The following MROH1 variants were observed in gnomAD, a reference collection of about 807,000 sequenced individuals.
MROH1 encodes the protein maestro heat like repeat family member 1.
MROH1 carries 117 observed loss-of-function variants against 116.5 expected under a neutral mutation model. The observed-to-expected ratio is 1.00, with a 90% confidence interval of 0.86 to 1.17. MROH1 has a LOEUF of 1.17. Ranked by LOEUF, MROH1 falls within the 50% of genes most tolerant of loss-of-function variation. The pLI, the probability that MROH1 is intolerant of heterozygous loss-of-function variation, is 0.00. For synonymous variants in MROH1, 921 were observed against 583.9 expected (o/e 1.58, Z -8.32); for missense variants, 1,873 against 1,338.5 (o/e 1.40, Z -6.23).
intron 14 of MROH1, among the ~76,000 whole-genome samples, chr8:144,232,918 G>A (rs570816950): frequency 9.2e-5 from 14 of 151,578 alleles, no homozygotes; most frequent in Admixed American, 5.3e-4. Context: ...CCTCAACCTC[G>A]CAGGCTCAAG....
At position 144,163,874 on chromosome 8, in the gene MROH1, C is replaced by T; in HGVS notation, c.22+26C>T. ...GTGAGTGCATGGGGATTGGGAGTGG[C>T]CGGGTGTGAGGCCTCTCTTGCCTCT... On this transcript the variant is annotated intron_variant, in intron 3 of 43. Transcript: ENST00000326134. This position sits in a 1 kb window ranked among gnomAD's most constrained non-coding sequence, Gnocchi z 4.4. The T allele has an allele frequency of 6.2e-7, 1 of 1,612,622 alleles. No individual in the cohort carries two copies. Among genetic ancestry groups the T allele is most frequent in the Non-Finnish European group, 8.5e-7 (1 of 1,179,150 alleles).
chr8:144,219,561 T>C lies in MROH1; in HGVS notation c.1142-1039T>C, dbSNP rs368159725. Among the ~76,000 whole-genome samples the C allele has an allele frequency of 1.5e-4, 23 of 152,318 alleles. No individual in the cohort carries two copies. In the East Asian group the frequency reaches 3.5e-3, roughly 23 times the overall value. ...CAGTGTGGTATGTCTCATGGTTAGATCTGGAACCTGTCTTTTCTGAGCTTC... is the reference window on the plus strand; with the variant it reads ...CAGTGTGGTATGTCTCATGGTTAGACCTGGAACCTGTCTTTTCTGAGCTTC... On this transcript the variant is annotated intron_variant, in intron 12 of 43. Transcript: ENST00000326134.
intron 12 of MROH1, among the ~76,000 whole-genome samples, chr8:144,210,403 A>C (rs556507852): frequency 6.7e-6 from 1 of 150,106 alleles, no homozygotes; most frequent in South Asian, 2.1e-4. Context: ...ACGCCACTGC[A>C]TAAACAGGCC....
intron 3 of MROH1, among the ~76,000 whole-genome samples, chr8:144,167,205 A>G (rs902398973): frequency 3.5e-3 from 280 of 80,254 alleles, no homozygotes; most frequent in Middle Eastern, 8.9e-3. Context: ...TGGAGTGGCC[A>G]GATGTGGGGT....
At chr8:144,235,888 G>A (rs1252721643) in intron 14 of MROH1, among the ~76,000 whole-genome samples, 3 of 152,144 alleles carry the variant, frequency 2.0e-5, no homozygotes, top group Non-Finnish European at 4.4e-5. Flanking sequence ...TTGAGACATC[G>A]TGTCCCTTTA....
At chr8:144,208,664 T>C (rs554388569) in intron 12 of MROH1, among the ~76,000 whole-genome samples, 1 of 152,250 alleles carries the variant, frequency 6.6e-6, no homozygotes, top group Admixed American at 6.5e-5. Flanking sequence ...TATAGCATCA[T>C]ATGTTAGTGG....
intron 13 of MROH1, among the ~76,000 whole-genome samples, chr8:144,221,259 G>A (rs1012576031): frequency 1.3e-5 from 2 of 152,170 alleles, no homozygotes; most frequent in Admixed American, 6.5e-5. Context: ...CACGTGGCCC[G>A]TAGCCTCCAC....
intron 4 of MROH1, among the ~76,000 whole-genome samples, chr8:144,171,570 A>T (rs1287046430): frequency 6.6e-6 from 1 of 151,974 alleles, no homozygotes; most frequent in East Asian, 1.9e-4. Flanking sequence ...CCACCATTTC[A>T]CCTCAGTGTG....
At position 144,190,839 on chromosome 8, in the gene MROH1, C is replaced by G. The variant is rs367606242; in HGVS notation, c.618C>G (p.Ala206=). The G allele has an allele frequency of 1.9e-6, 3 of 1,613,700 alleles. No individual in the cohort carries two copies. The Admixed American group carries it at 5.0e-5, about 27-fold the overall frequency. The change falls in exon 8 of 44, where the codon GCC becomes GCG. Residue 206 remains alanine, a synonymous_variant. Coordinates refer to ENST00000326134, the MANE Select transcript of MROH1 (RefSeq NM_032450.3). The stretch of plus-strand genomic sequence containing the variant: ...AGTACCTAGCCAACCTGGACCGAGC[C>G]CCAGACCCCACGGTCAGGAAGGACG... ...ALEYLANLDR[A]PDPTVRKDAF...
At chr8:144,249,146 CAGTG>C (rs1210363359) in intron 32 of MROH1, 117 bp downstream of exon 32, 46 of 679,488 alleles carry the variant, frequency 6.8e-5, no homozygotes, top group African/African-American at 2.5e-4. Flanking sequence ...CGGGAGAAAA[CAGTG>C]AGGCTGGCCC....
chr8:144,254,725 T>A (rs1843396610), intron 33 of MROH1, 88 bp from the exon 34 acceptor site: 2 of 677,074 alleles, frequency 3.0e-6, no homozygotes, highest in Non-Finnish European at 5.4e-6. Context: ...CTGAGCGTCG[T>A]GGAGCCAGGG....
In MROH1 at chr8:144,163,855, G is replaced by A. The variant is rs1820132627; in HGVS notation, c.22+7G>A. On this transcript the variant is annotated splice_region_variant and intron_variant, in intron 3 of 43. Transcript: ENST00000326134. The surrounding 1 kb of genome is among the most constrained non-coding windows in gnomAD (Gnocchi z 4.4). Reference sequence around the variant, plus strand: ...ACTGAGTCCTCCATGAAGAGTGAGTGCATGGGGATTGGGAGTGGCCGGGTG... The same window carrying A: ...ACTGAGTCCTCCATGAAGAGTGAGTACATGGGGATTGGGAGTGGCCGGGTG... 6.2e-7 allele frequency: 1 copy of A among 1,613,498 alleles called. No homozygotes were observed. The highest frequency in any genetic ancestry group is 1.3e-5 in the African/African-American group (1 of 74,910).
In MROH1 at chr8:144,258,883, G is replaced by T; in HGVS notation, c.3898G>T (p.Gly1300Trp). 1 of 763,806 alleles carries T rather than the reference G, an allele frequency of 1.3e-6. No individual in the cohort carries two copies. Among genetic ancestry groups the T allele is most frequent in the South Asian group, 1.4e-5 (1 of 71,968 alleles). The allele number at this position is 763,806 out of a possible 1,614,324, so 47.3% of individuals were successfully genotyped here. A position where few individuals can be genotyped will look rare whatever the true frequency, so the allele number is the denominator to read the frequency against. ...GGWELLRTSAGHEEGATRLAR... is the reference protein window; with the variant it reads ...GGWELLRTSAWHEEGATRLAR... ...CTGGGAACTGCTCAGGACCTCGGCGGGGCATGAGGAGGGGGCCACCAGGTT... is the reference window on the plus strand; with the variant it reads ...CTGGGAACTGCTCAGGACCTCGGCGTGGCATGAGGAGGGGGCCACCAGGTT... The change falls in exon 36 of 44, where the codon GGG becomes TGG. Residue 1300 changes from glycine to tryptophan, a missense_variant. Transcript: ENST00000326134.
chr8:144,175,252 G>A (rs537368261), intron 4 of MROH1: 33 of 774,994 alleles, frequency 4.3e-5, no homozygotes, highest in South Asian at 1.7e-4. Flanking sequence ...GGGTCCGGTC[G>A]GATGGGTATA....
intron 22 of MROH1, 96 bp from the exon 23 acceptor site, chr8:144,242,270 CCTT>C (rs1841143390): frequency 1.8e-5 from 14 of 776,682 alleles, no homozygotes; most frequent in Admixed American, 1.4e-4. Flanking sequence ...TGGCTCTGGC[CCTT>C]CTTCTGGGAG....
intron 1 of MROH1, among the ~76,000 whole-genome samples, chr8:144,158,753 T>A (rs983221876): frequency 1.3e-5 from 2 of 151,860 alleles, no homozygotes; most frequent in Admixed American, 6.6e-5. Flanking sequence ...TTTTTTTTTT[T>A]AATTTTTAGC....
At chr8:144,205,786 A>G (rs953618023) in intron 12 of MROH1, among the ~76,000 whole-genome samples, 2 of 152,164 alleles carry the variant, frequency 1.3e-5, no homozygotes, top group Non-Finnish European at 1.5e-5. Context: ...CCTATCTTAG[A>G]TACTTTTATA....
At position 144,177,987 on chromosome 8, in the gene MROH1, GAC is replaced by G. The variant is rs1312907579; in HGVS notation, c.169-1466_169-1465del. ...TTCTTCTTTTTTTTTTTTTCTTTGA[GAC>G]AGTCTTGCTCTGTCGCCCAGGCTGG... On this transcript the variant is annotated intron_variant, in intron 4 of 43. Coordinates refer to ENST00000326134, the MANE Select transcript of MROH1 (RefSeq NM_032450.3). Among the ~76,000 whole-genome samples, 11 of 145,714 alleles carry G rather than the reference GAC, an allele frequency of 7.5e-5. No homozygotes were observed. The East Asian group carries it at 2.0e-3, about 27-fold the overall frequency.
intron 35 of MROH1, 29 bp downstream of exon 35, chr8:144,255,734 G>A: frequency 1.4e-6 from 1 of 729,666 alleles, no homozygotes; most frequent in Non-Finnish European, 2.6e-6. Context: ...CCCACCTCCA[G>A]TACTGATTCG....
Sources: allele counts gnomAD v4.1 joint callset (sites outside exome capture counted in the v4.1 genomes callset), GRCh38; gene constraint gnomAD v4.1.1; non-coding constraint Gnocchi (gnomAD v3.1); transcripts MANE v1.5; gene names NCBI Gene and HGNC (gene_info 2026-07-23, HGNC 2026-07-21).